The following ZRANB1 variants were observed in gnomAD, a reference collection of about 807,000 sequenced individuals.
The protein encoded by ZRANB1 is zinc finger RANBP2-type containing 1, also known as ubiquitin thioesterase ZRANB1.
In ZRANB1, 16 loss-of-function variants were observed where a neutral mutation model predicts 80.5. The observed-to-expected ratio is 0.20, with a 90% CI of 0.13 to 0.30. The LOEUF (loss-of-function observed/expected upper bound fraction) is 0.30, where lower values mean the gene tolerates loss of function less well. ZRANB1 is among the 10% of genes least tolerant of loss of function. The probability of loss-of-function intolerance (pLI) is 1.00; values close to 1 mark genes in which losing one functional copy is unlikely to be tolerated. For synonymous variants in ZRANB1, 291 were observed against 293.1 expected (o/e 0.99, Z 0.07); for missense variants, 576 against 862.6 (o/e 0.67, Z 4.16).
the ZRANB1 span, among the ~76,000 whole-genome samples, chr10:124,928,929 G>A: frequency 6.6e-6 from 1 of 152,312 alleles, no homozygotes; most frequent in East Asian, 1.9e-4. Flanking sequence ...CTAATACAAA[G>A]CACCTAAAGG....
chr10:124,940,371 C>T (rs1242146516), upstream of ZRANB1: 1 of 489,866 alleles, frequency 2.0e-6, no homozygotes, highest in African/African-American at 2.0e-5. Context: ...GTCTCCTTTA[C>T]AGGAATAGCT....
chr10:124,926,782 T>C, the ZRANB1 span, among the ~76,000 whole-genome samples: 1 of 152,314 alleles, frequency 6.6e-6, no homozygotes, highest in East Asian at 1.9e-4. Context: ...GTAGGTTTGT[T>C]TACACCAGCA....
At position 124,987,258 on chromosome 10, in the gene ZRANB1, C is replaced by G. The variant is rs919118744; in HGVS notation, c.*2266C>G. 1.3e-5 allele frequency: 2 copies of G among 152,520 alleles called. No individual in the cohort carries two copies. Among genetic ancestry groups the G allele is most frequent in the African/African-American group, 2.4e-5 (1 of 41,402 alleles). 9.4% of individuals were successfully genotyped at this position (152,520 alleles called of 1,614,324 possible). A position where few individuals can be genotyped will look rare whatever the true frequency, so the allele number is the denominator to read the frequency against. On this transcript the variant is annotated 3_prime_UTR_variant, in exon 9 of 9. Transcript: ENST00000359653. ...AGGTGACAGACATTAATGACTGACT[C>G]TGGAGAGTAAGTCATACCTGCACTC...
At chr10:124,917,653 G>C in the ZRANB1 span, among the ~76,000 whole-genome samples, 1 of 152,200 alleles carries the variant, frequency 6.6e-6, no homozygotes, top group African/African-American at 2.4e-5. Flanking sequence ...GTAAACACTT[G>C]GGTCCATCGC....
At chr10:124,953,113 G>A (rs375436796) in intron 1 of ZRANB1, among the ~76,000 whole-genome samples, 4 of 122,564 alleles carry the variant, frequency 3.3e-5, no homozygotes, top group African/African-American at 8.8e-5. Context: ...TTTTTTTTAA[G>A]TAGAGACAGG....
At chr10:124,977,711 G>GAAAAAAA (rs752296814) in intron 5 of ZRANB1, among the ~76,000 whole-genome samples, 7 of 48,726 alleles carry the variant, frequency 1.4e-4, no homozygotes, top group Admixed American at 2.4e-4. Context: ...ACCCTGCTAA[G>GAAAAAAA]AAAAAAAAAA....
chr10:124,944,363 C>A (rs1032576895), intron 1 of ZRANB1, among the ~76,000 whole-genome samples: 1 of 151,954 alleles, frequency 6.6e-6, no homozygotes, highest in Non-Finnish European at 1.5e-5. Context: ...GTACCAATTT[C>A]TTTTATTTAT....
intron 1 of ZRANB1, among the ~76,000 whole-genome samples, chr10:124,963,735 G>A (rs1951756110): frequency 6.6e-6 from 1 of 151,870 alleles, no homozygotes. Context: ...ACTTTCAGAA[G>A]TTCTCTTTGA....
chr10:124,955,888 G>A (rs1951684536), intron 1 of ZRANB1, among the ~76,000 whole-genome samples: 1 of 152,104 alleles, frequency 6.6e-6, no homozygotes, highest in Non-Finnish European at 1.5e-5. Context: ...ATGCTGGCCC[G>A]TTTGGTCCGG....
intron 2 of ZRANB1, 117 bp from the exon 3 acceptor site, chr10:124,971,848 A>T: frequency 2.1e-6 from 2 of 943,526 alleles, no homozygotes; most frequent in Non-Finnish European, 3.0e-6. Context: ...AGTGTATTTT[A>T]AGATTAAAGA....
At chr10:124,936,063 A>G in the ZRANB1 span, among the ~76,000 whole-genome samples, 55 of 152,196 alleles carry the variant, frequency 3.6e-4, no homozygotes, top group African/African-American at 1.3e-3. Flanking sequence ...TTCATTATAA[A>G]TGAGGGTGTC....
At chr10:124,955,636 G>C (rs533630088) in intron 1 of ZRANB1, among the ~76,000 whole-genome samples, 21 of 152,180 alleles carry the variant, frequency 1.4e-4, no homozygotes, top group African/African-American at 5.1e-4. Flanking sequence ...GTTCATATAG[G>C]TAATAGAGTT....
intron 2 of ZRANB1, 152 bp from the exon 3 acceptor site, chr10:124,971,813 C>CT (rs1951828400): frequency 3.1e-6 from 2 of 645,216 alleles, no homozygotes; most frequent in Non-Finnish European, 4.8e-6. Flanking sequence ...CTGGTATATA[C>CT]TTTCATTGGT....
chr10:124,932,125 C>T, the ZRANB1 span, among the ~76,000 whole-genome samples: 1 of 152,078 alleles, frequency 6.6e-6, no homozygotes, highest in Non-Finnish European at 1.5e-5. Flanking sequence ...TCATCCATGT[C>T]TTTCTGTAGC....
rs889527729 is a variant in ZRANB1, at chr10:124,974,480, T to G, written c.1427+82T>G. On this transcript the variant is annotated intron_variant, in intron 5 of 8. Transcript: ENST00000359653. ...TTGTAGTGGTGGGATACTTTTTATG[T>G]CAGTTATATTTTCTATGGAAACTGG... The G allele has an allele frequency of 7.8e-6, 11 of 1,411,400 alleles. No individual in the cohort carries two copies. In the Admixed American group the frequency reaches 9.2e-5, roughly 12 times the overall value. 87.4% of individuals were successfully genotyped at this position (1,411,400 alleles called of 1,614,324 possible). A position where few individuals can be genotyped will look rare whatever the true frequency, so the allele number is the denominator to read the frequency against.
chr10:124,952,732 T>A (rs1477289359), intron 1 of ZRANB1, among the ~76,000 whole-genome samples: 1 of 152,042 alleles, frequency 6.6e-6, no homozygotes, highest in Non-Finnish European at 1.5e-5. Context: ...TGCCTCAACC[T>A]CTCAAGTAGC....
intron 5 of ZRANB1, chr10:124,981,391 A>AC (rs1430011913): frequency 9.8e-6 from 2 of 203,804 alleles, no homozygotes; most frequent in East Asian, 2.8e-4. Context: ...ATTTCAGATG[A>AC]CTTTTTTTTT....
At chr10:124,948,841 C>T (rs953871010) in intron 1 of ZRANB1, among the ~76,000 whole-genome samples, 2 of 152,204 alleles carry the variant, frequency 1.3e-5, no homozygotes, top group Non-Finnish European at 2.9e-5. Flanking sequence ...ACATACTAGG[C>T]ACTCAGGTAT....
Position 124,983,517 on chromosome 10 carries a change from G to T in ZRANB1, c.1737G>T (p.Leu579=). 1 of 1,614,116 alleles carries T rather than the reference G, an allele frequency of 6.2e-7. No individual in the cohort carries two copies. The highest frequency in any genetic ancestry group is 8.5e-7 in the Non-Finnish European group (1 of 1,180,030). Residue 579 remains leucine, a synonymous_variant, in exon 8 of 9, where the codon CTG becomes CTT. Transcript: ENST00000359653. This position sits in a 1 kb window ranked among gnomAD's most constrained non-coding sequence, Gnocchi z 6.2. ...QSFCWKSPIA[L]GYTRGHFSAL... ...TTTGTTGGAAAAGTCCGATTGCTCT[G>T]GGTTATACGAGGGGCCACTTCTCTG...
Sources: gnomAD v4.1 joint callset for allele counts (sites outside exome capture counted in the v4.1 genomes callset) on GRCh38, gnomAD v4.1.1 for gene constraint, Gnocchi (gnomAD v3.1) non-coding constraint, MANE v1.5 for transcripts, NCBI Gene and HGNC (gene_info 2026-07-23, HGNC 2026-07-21) for gene names.